Variants in RFX3 observed in about 807,000 individuals in gnomAD.
The protein encoded by RFX3 is regulatory factor X3, also known as transcription factor RFX3.
RFX3 carries 14 observed loss-of-function variants against 98.6 expected under a neutral mutation model. The ratio of observed to expected loss-of-function variants is 0.14; its 90% CI spans 0.09 to 0.22. RFX3 has a LOEUF of 0.22. Ranked by LOEUF, RFX3 falls within the 10% of genes least tolerant of loss-of-function variation. The pLI is 1.00. For synonymous variants in RFX3, 383 were observed against 328.4 expected, an observed-to-expected ratio of 1.17 and a Z score of -1.80; for missense variants, 639 against 926.9, an observed-to-expected ratio of 0.69 and a Z score of 4.03.
chr9:3,452,903 A>G (rs1213705182), intron 1 of RFX3, among the ~76,000 whole-genome samples: 1 of 152,190 alleles, frequency 6.6e-6, no homozygotes, highest in Non-Finnish European at 1.5e-5. Context: ...AGATTAGACT[A>G]AAATGATTTC....
At chr9:3,416,907 A>T (rs1843032538) in intron 1 of RFX3, among the ~76,000 whole-genome samples, 1 of 152,186 alleles carries the variant, frequency 6.6e-6, no homozygotes, top group Admixed American at 6.6e-5. Flanking sequence ...CACATTAAAT[A>T]AAATTTAAAC....
At chr9:3,504,026 G>T (rs1006656392) in intron 1 of RFX3, among the ~76,000 whole-genome samples, 11 of 150,680 alleles carry the variant, frequency 7.3e-5, no homozygotes, top group Non-Finnish European at 1.2e-4. Flanking sequence ...TTGGAAGCAG[G>T]TAGGGTGGAC....
intron 4 of RFX3, among the ~76,000 whole-genome samples, chr9:3,319,880 A>G (rs1193280749): frequency 6.6e-6 from 1 of 152,062 alleles, no homozygotes; most frequent in Non-Finnish European, 1.5e-5. Flanking sequence ...TCAGATTCTC[A>G]ATACATAAAT....
intron 2 of RFX3, among the ~76,000 whole-genome samples, chr9:3,352,637 C>T (rs1310610928): frequency 2.0e-5 from 3 of 151,904 alleles, no homozygotes; most frequent in Non-Finnish European, 4.4e-5. Context: ...GTAAATACTA[C>T]GGGAAATGCC....
chr9:3,315,114 A>G (rs1830436461), intron 4 of RFX3, among the ~76,000 whole-genome samples: 1 of 151,868 alleles, frequency 6.6e-6, no homozygotes, highest in East Asian at 1.9e-4. Flanking sequence ...AATTGACCAC[A>G]TAGTTGGAAG....
intron 4 of RFX3, chr9:3,324,166 T>C: frequency 3.7e-6 from 1 of 272,426 alleles, no homozygotes; most frequent in South Asian, 3.9e-5. Context: ...CCTGCCAAAA[T>C]AAGTGGACAG....
chr9:3,227,551 G>A (rs1046553789), intron 16 of RFX3, among the ~76,000 whole-genome samples: 1 of 152,190 alleles, frequency 6.6e-6, no homozygotes, highest in Non-Finnish European at 1.5e-5. Context: ...GAAGACTGTG[G>A]TTCAGCACCG....
chr9:3,250,436 T>A (rs1325712234), intron 14 of RFX3, among the ~76,000 whole-genome samples: 1 of 152,072 alleles, frequency 6.6e-6, no homozygotes, highest in Non-Finnish European at 1.5e-5. Flanking sequence ...ATATAATCTA[T>A]AAAGCTGTCA....
chr9:3,396,104 A>G (rs1840838714), intron 1 of RFX3, among the ~76,000 whole-genome samples: 2 of 151,530 alleles, frequency 1.3e-5, no homozygotes, highest in South Asian at 2.1e-4. Flanking sequence ...TTAGTTACAT[A>G]TGTATACGTG....
intron 1 of RFX3, among the ~76,000 whole-genome samples, chr9:3,477,749 C>T (rs984018930): frequency 2.0e-5 from 3 of 152,030 alleles, no homozygotes; most frequent in Non-Finnish European, 4.4e-5. Context: ...TTCTTTCTGC[C>T]TCATTCTCAT....
At chr9:3,350,189 AACTGGG>A (rs1417605077) in intron 2 of RFX3, among the ~76,000 whole-genome samples, 2 of 152,150 alleles carry the variant, frequency 1.3e-5, no homozygotes, top group African/African-American at 4.8e-5. Context: ...ACAAGCCACA[AACTGGG>A]GAAGAATATT....
intron 12 of RFX3, 104 bp from the exon 13 acceptor site, chr9:3,263,188 C>G (rs1823150342): frequency 8.6e-7 from 1 of 1,167,738 alleles, no homozygotes; most frequent in East Asian, 2.4e-5. Context: ...ATGCTTGCCT[C>G]TGACACTTAT....
intron 1 of RFX3, among the ~76,000 whole-genome samples, chr9:3,504,981 T>TATATAATATATAATATATCTTATATA (rs1564186194): frequency 2.5e-4 from 8 of 32,428 alleles, no homozygotes; most frequent in Admixed American, 9.6e-4. Flanking sequence ...TATTATATAA[T>TATATAATATATAATATATCTTATATA]ATATATGTTA....
At chr9:3,441,684 T>C (rs987929541) in intron 1 of RFX3, among the ~76,000 whole-genome samples, 2 of 151,990 alleles carry the variant, frequency 1.3e-5, no homozygotes, top group African/African-American at 4.8e-5. Context: ...TAATGTGAAG[T>C]ATAAAATGAG....
intron 14 of RFX3, 56 bp downstream of exon 14, chr9:3,256,933 TAC>T: frequency 6.8e-7 from 1 of 1,464,530 alleles, no homozygotes; most frequent in African/African-American, 1.4e-5. Context: ...TACAAACACA[TAC>T]ACACACATAT....
intron 1 of RFX3, among the ~76,000 whole-genome samples, chr9:3,470,846 T>C (rs1000746097): frequency 1.1e-4 from 17 of 152,332 alleles, no homozygotes; most frequent in South Asian, 2.1e-4. Flanking sequence ...CAGGATAAGA[T>C]AGATGACCTT....
At chr9:3,257,693 G>C (rs913370800) in intron 13 of RFX3, among the ~76,000 whole-genome samples, 1 of 152,128 alleles carries the variant, frequency 6.6e-6, no homozygotes, top group Non-Finnish European at 1.5e-5. Context: ...GATTAAAACA[G>C]AAACAAACAC....
chr9:3,244,127 C>T (rs540706695), intron 15 of RFX3, among the ~76,000 whole-genome samples: 135 of 151,992 alleles, frequency 8.9e-4, no homozygotes, highest in African/African-American at 2.7e-3. Context: ...CTCAGCCTCC[C>T]GAGTAGCTGG....
At chr9:3,450,487 ACTATT>A (rs1407926930) in intron 1 of RFX3, among the ~76,000 whole-genome samples, 3 of 152,208 alleles carry the variant, frequency 2.0e-5, no homozygotes, top group East Asian at 1.9e-4. Flanking sequence ...AAAAGAAAGT[ACTATT>A]CTTTCTTTTA....
Sources: gnomAD v4.1 joint callset for allele counts (sites outside exome capture counted in the v4.1 genomes callset) on GRCh38, gnomAD v4.1.1 for gene constraint, MANE v1.5 for transcripts, NCBI Gene and HGNC (gene_info 2026-07-23, HGNC 2026-07-21) for gene names.